Variants in KCNH1 observed in about 807,000 individuals in gnomAD.
KCNH1 encodes the protein voltage-gated delayed rectifier potassium channel KCNH1.
A neutral mutation model predicts 69.2 loss-of-function variants in KCNH1; 27 were observed. The ratio of observed to expected loss-of-function variants is 0.39; its 90% CI spans 0.29 to 0.54. The LOEUF is 0.54. Among genes scored for constraint, KCNH1 ranks in the 20% least tolerant of loss-of-function variants. The probability of loss-of-function intolerance (pLI) is 0.68; values close to 1 mark genes in which losing one functional copy is unlikely to be tolerated. For missense variants in KCNH1, 798 were observed against 1,261.6 expected, an observed-to-expected ratio of 0.63 and a Z score of 5.57; for synonymous variants, 456 against 487.7, an observed-to-expected ratio of 0.93 and a Z score of 0.86.
At chr1:210,935,169 T>G (rs1486139589) in intron 6 of KCNH1, among the ~76,000 whole-genome samples, 3 of 121,872 alleles carry the variant, frequency 2.5e-5, no homozygotes, top group Non-Finnish European at 5.1e-5. Flanking sequence ...CACACACGAA[T>G]AGTATTCAGC....
intron 5 of KCNH1, among the ~76,000 whole-genome samples, chr1:211,045,041 G>GATATATAGATAGATATATATATATAT (rs1164564038): frequency 1.2e-5 from 1 of 81,718 alleles, no homozygotes; most frequent in Non-Finnish European, 2.6e-5. Flanking sequence ...AATTGTGGGG[G>GATATATAGATAGATATATATATATAT]ATATATATAT....
At chr1:211,126,423 T>C (rs1571667987) in intron 1 of KCNH1, among the ~76,000 whole-genome samples, 1 of 151,150 alleles carries the variant, frequency 6.6e-6, no homozygotes, top group East Asian at 1.9e-4. Context: ...GGCAGGAGAA[T>C]GGCCTGAACC....
intron 6 of KCNH1, among the ~76,000 whole-genome samples, chr1:210,969,138 C>G (rs973148296): frequency 6.6e-6 from 1 of 151,976 alleles, no homozygotes; most frequent in Non-Finnish European, 1.5e-5. Context: ...TGACACATTA[C>G]CTTTTCTGTA....
intron 5 of KCNH1, among the ~76,000 whole-genome samples, chr1:211,029,196 G>C (rs1165118453): frequency 1.3e-5 from 2 of 149,124 alleles, no homozygotes; most frequent in African/African-American, 4.9e-5. Flanking sequence ...GGTCAGGGGT[G>C]GTGGTACATG....
chr1:210,976,574 A>G (rs1688615300), intron 6 of KCNH1, among the ~76,000 whole-genome samples: 1 of 143,438 alleles, frequency 7.0e-6, no homozygotes, highest in Admixed American at 7.3e-5. Flanking sequence ...AACTAGAAAT[A>G]CCATTTGACC....
At chr1:210,943,317 CCTT>C (rs1327554604) in intron 6 of KCNH1, among the ~76,000 whole-genome samples, 1 of 151,860 alleles carries the variant, frequency 6.6e-6, no homozygotes, top group Non-Finnish European at 1.5e-5. Flanking sequence ...ATGAGTCTCC[CCTT>C]CTTTTTTTTA....
intron 6 of KCNH1, among the ~76,000 whole-genome samples, chr1:210,960,721 TG>T (rs1364681126): frequency 6.6e-6 from 1 of 152,206 alleles, no homozygotes; most frequent in Admixed American, 6.5e-5. Flanking sequence ...TGAAGATCTG[TG>T]TACAAGTCTT....
chr1:210,998,487 C>T (rs1283076529), intron 6 of KCNH1, among the ~76,000 whole-genome samples: 4 of 152,244 alleles, frequency 2.6e-5, no homozygotes, highest in South Asian at 4.1e-4. Context: ...ATGCATCCAA[C>T]ACAGGAGCAC....
At position 210,919,687 on chromosome 1, in the gene KCNH1, G is replaced by A. The variant is rs1687419805; in HGVS notation, c.1415C>T (p.Ser472Phe). The A allele has an allele frequency of 6.2e-7, 1 of 1,614,032 alleles. No individual in the cohort carries two copies. The highest frequency in any genetic ancestry group is 1.7e-5 in the Admixed American group (1 of 59,994). The change falls in exon 7 of 11, where the codon TCC (serine) becomes TTC (phenylalanine). Residue 472 changes from serine to phenylalanine, a missense_variant. Around this residue, in one of 4 missense-constraint regions of KCNH1, gnomAD observed 197 missense variants for 407.7 expected, o/e 0.48. Coordinates refer to ENST00000271751, the MANE Select transcript of KCNH1 (RefSeq NM_172362.3). This position sits in a 1 kb window ranked among gnomAD's most constrained non-coding sequence, Gnocchi z 4.2. ...TSVGFGNIAP[S>F]TDIEKIFAVA... ...TGCAAAGATCTTCTCAATGTCTGTG[G>A]ATGGGGCGATGTTCCCAAAGCCCAC...
At chr1:210,732,868 T>A (rs1273698104) in intron 10 of KCNH1, among the ~76,000 whole-genome samples, 1 of 152,190 alleles carries the variant, frequency 6.6e-6, no homozygotes, top group African/African-American at 2.4e-5. Flanking sequence ...TACCTACTAA[T>A]ACCATCACCT....
At chr1:210,704,292 T>C (rs959811558) in intron 10 of KCNH1, among the ~76,000 whole-genome samples, 1 of 152,168 alleles carries the variant, frequency 6.6e-6, no homozygotes, top group Non-Finnish European at 1.5e-5. Context: ...GTTTAGGTTA[T>C]CAACCTCATT....
At chr1:210,942,435 A>G (rs1307768317) in intron 6 of KCNH1, among the ~76,000 whole-genome samples, 4 of 152,180 alleles carry the variant, frequency 2.6e-5, no homozygotes, top group Non-Finnish European at 4.4e-5. Flanking sequence ...AATGCCCATA[A>G]AAGTATTAGT....
At chr1:210,842,043 A>C (rs1685424109) in intron 7 of KCNH1, among the ~76,000 whole-genome samples, 1 of 152,136 alleles carries the variant, frequency 6.6e-6, no homozygotes, top group African/African-American at 2.4e-5. Flanking sequence ...CATTCCACTT[A>C]CTGTAGGTGA....
intron 6 of KCNH1, among the ~76,000 whole-genome samples, chr1:210,947,145 T>C (rs1242730203): frequency 6.6e-6 from 1 of 152,184 alleles, no homozygotes; most frequent in Non-Finnish European, 1.5e-5. Flanking sequence ...CTTTGGAAAT[T>C]AGATCGACCT....
intron 6 of KCNH1, among the ~76,000 whole-genome samples, chr1:211,007,605 A>G (rs1216902319): frequency 6.6e-6 from 1 of 152,042 alleles, no homozygotes; most frequent in Non-Finnish European, 1.5e-5. Context: ...AGCCTCCTAC[A>G]ATTCTCCTAA....
chr1:210,895,526 C>T (rs1686847076), intron 7 of KCNH1, among the ~76,000 whole-genome samples: 2 of 152,066 alleles, frequency 1.3e-5, no homozygotes, highest in Middle Eastern at 3.2e-3. Flanking sequence ...TAATACATTC[C>T]TAACAAGGCA....
At chr1:210,799,000 TA>T (rs1000208435) in intron 8 of KCNH1, among the ~76,000 whole-genome samples, 1 of 149,814 alleles carries the variant, frequency 6.7e-6, no homozygotes, top group Non-Finnish European at 1.5e-5. Flanking sequence ...AAAATAAAAA[TA>T]AAAAAAGACA....
At position 211,133,940 on chromosome 1, in the gene KCNH1, G is replaced by A. The variant is rs1432010736; in HGVS notation, c.6C>T (p.Thr2=). 2 of 1,608,368 alleles carry A rather than the reference G, an allele frequency of 1.2e-6. No homozygotes were observed. The highest frequency in any genetic ancestry group is 2.2e-5 in the South Asian group (2 of 90,242). M[T]MAGGRRGLVA... is the part of the protein sequence containing the mutation. ...CTAGTCCCCTCCTGCCCCCAGCCAT[G>A]GTCATCCTCCCAGCAGCTCGGGGTC... Residue 2 remains threonine, a synonymous_variant, in exon 1 of 11, where the codon ACC becomes ACT. Coordinates refer to ENST00000271751, the MANE Select transcript of KCNH1 (RefSeq NM_172362.3). This position sits in a 1 kb window ranked among gnomAD's most constrained non-coding sequence, Gnocchi z 5.4.
chr1:211,069,022 A>G (rs1320455640), intron 5 of KCNH1, among the ~76,000 whole-genome samples: 1 of 152,224 alleles, frequency 6.6e-6, no homozygotes, highest in African/African-American at 2.4e-5. Flanking sequence ...TGCTTCTGGC[A>G]GCAGGAGGAG....
Sources: gnomAD v4.1 joint callset for allele counts (sites outside exome capture counted in the v4.1 genomes callset) on GRCh38, gnomAD v4.1.1 for gene constraint, gnomAD v4.1.1 regional missense constraint, Gnocchi (gnomAD v3.1) non-coding constraint, MANE v1.5 for transcripts, NCBI Gene and HGNC (gene_info 2026-07-23, HGNC 2026-07-21) for gene names.